Variants in CPEB2 observed in about 807,000 individuals in gnomAD.
CPEB2 encodes the protein cytoplasmic polyadenylation element-binding protein 2.
Under a neutral mutation model 93.6 loss-of-function variants are expected in CPEB2, and 56 were observed. The ratio of observed to expected loss-of-function variants is 0.60; its 90% CI spans 0.48 to 0.75. CPEB2 has a LOEUF of 0.75. CPEB2 is among the 30% of genes least tolerant of loss of function. The pLI is 0.00. For missense variants in CPEB2, 1,579 were observed against 1,395.1 expected (o/e 1.13, Z -2.10); for synonymous variants, 764 against 586.3 (o/e 1.30, Z -4.38).
chr4:15,060,123 G>A (rs1347706831), intron 10 of CPEB2, among the ~76,000 whole-genome samples: 1 of 152,116 alleles, frequency 6.6e-6, no homozygotes, highest in Non-Finnish European at 1.5e-5. Flanking sequence ...TCTGAGGAAT[G>A]TGTTTCACAG....
intron 3 of CPEB2, 66 bp downstream of exon 3, chr4:15,008,493 G>C: frequency 9.7e-7 from 1 of 1,031,926 alleles, no homozygotes; most frequent in African/African-American, 1.6e-5. Flanking sequence ...TTATGAGTAG[G>C]ATTTATTATT....
At chr4:15,033,107 TGC>T in intron 4 of CPEB2, 52 bp from the exon 5 acceptor site, 1 of 1,304,488 alleles carries the variant, frequency 7.7e-7, no homozygotes. Context: ...TTTTTGTTTT[TGC>T]TTTTCAAATA....
At chr4:15,029,659 C>G (rs1725868051) in intron 4 of CPEB2, among the ~76,000 whole-genome samples, 3 of 152,024 alleles carry the variant, frequency 2.0e-5, no homozygotes, top group African/African-American at 7.2e-5. Context: ...CAACAGAAAA[C>G]TCCTAAGTGG....
In CPEB2 at chr4:15,003,076, CT is replaced by C. The variant is rs1192669121; in HGVS notation, c.404del (p.Leu135ProfsTer40). On this transcript the variant is annotated frameshift_variant, in exon 1 of 12. Transcript: ENST00000538197. LOFTEE classifies it high-confidence loss of function. ...CACGATCGCGGGTGTGACCCACCTC[CT>C]CCCCTCCCAGGACTTCAAACCGAGT... ...GGTIAGVTHLLPSQDFKPSLH... is the reference protein window; with the variant it reads ...GGTIAGVTHLXPSQDFKPSLH... 4 of 1,528,534 alleles carry C rather than the reference CT, an allele frequency of 2.6e-6. No individual in the cohort carries two copies. The Admixed American group carries it at 8.2e-5, about 31-fold the overall frequency. The allele number at this position is 1,528,534 out of a possible 1,614,324, so 94.7% of individuals were successfully genotyped here.
At position 15,003,166 on chromosome 4, in the gene CPEB2, G is replaced by C. The variant is rs924129672; in HGVS notation, c.493G>C (p.Asp165His). Residue 165 changes from aspartate to histidine, a missense_variant, in exon 1 of 12, where the codon GAC becomes CAC. By Grantham distance (81) the Asp-to-His change is moderately conservative. Transcript: ENST00000538197. Reference sequence around the variant, plus strand: ...CTGCTGCCGCACCTCCTCCCCGCAGGACTTCAGTAAGCGGCAGCAGCAGCA... The same window carrying C: ...CTGCTGCCGCACCTCCTCCCCGCAGCACTTCAGTAAGCGGCAGCAGCAGCA... ...CCCCRTSSPQ[D>H]FSKRQQQQLS... The C allele has an allele frequency of 6.5e-7, 1 of 1,534,302 alleles. No homozygotes were observed. Among genetic ancestry groups the C allele is most frequent in the Non-Finnish European group, 8.7e-7 (1 of 1,146,268 alleles).
At chr4:15,042,977 G>A (rs999895379) in intron 6 of CPEB2, among the ~76,000 whole-genome samples, 1 of 152,136 alleles carries the variant, frequency 6.6e-6, no homozygotes, top group Non-Finnish European at 1.5e-5. Context: ...TGTCGGATGT[G>A]TCACACTGAG....
At chr4:15,043,917 G>A (rs1302088077) in intron 6 of CPEB2, among the ~76,000 whole-genome samples, 11 of 151,990 alleles carry the variant, frequency 7.2e-5, no homozygotes, top group Admixed American at 1.3e-4. Context: ...TCAGACTTAC[G>A]TGCTATAATA....
chr4:15,017,357 AACCTAAGTAGC>A, intron 4 of CPEB2, 79 bp downstream of exon 4: 1 of 666,620 alleles, frequency 1.5e-6, no homozygotes, highest in South Asian at 1.9e-5. Context: ...ATGAAAGTGA[AACCTAAGTAGC>A]ACCTATATCC....
chr4:15,009,762 A>C (rs556924947), intron 3 of CPEB2, among the ~76,000 whole-genome samples: 3 of 152,362 alleles, frequency 2.0e-5, no homozygotes, highest in Admixed American at 2.0e-4. Context: ...ATTAGCTGGC[A>C]TACATGGTCC....
At chr4:15,046,229 T>C (rs192697264) in intron 6 of CPEB2, among the ~76,000 whole-genome samples, 35 of 148,456 alleles carry the variant, frequency 2.4e-4, no homozygotes, top group African/African-American at 8.7e-4. Context: ...TGTGTTGGCC[T>C]TTTTTTTTTG....
At chr4:15,066,083 ATT>A in intron 11 of CPEB2, 68 bp from the exon 12 acceptor site, 1 of 1,339,434 alleles carries the variant, frequency 7.5e-7, no homozygotes, top group South Asian at 1.3e-5. Context: ...GCTGTAGAAC[ATT>A]TTAAGTTATT....
Position 15,066,447 on chromosome 4 carries a change from TACTG to T in CPEB2, c.*70_*73del. ...GCATGTGGCTTACTGTGTCTGAAGA[TACTG>T]ACATGCAGAAGAAATAAGTGCATTC... On this transcript the variant is annotated 3_prime_UTR_variant, in exon 12 of 12. Transcript: ENST00000538197. The T allele has an allele frequency of 2.7e-6, 3 of 1,130,890 alleles. No homozygotes were observed. The highest frequency in any genetic ancestry group is 3.9e-6 in the Non-Finnish European group (3 of 767,226). 70.1% of individuals were successfully genotyped at this position (1,130,890 alleles called of 1,614,324 possible).
chr4:15,002,503 T>C lies in CPEB2; in HGVS notation c.-171T>C, dbSNP rs1392150849. 1.4e-5 allele frequency among the ~76,000 whole-genome samples: 2 copies of C among 146,822 alleles called. No individual in the cohort carries two copies. The highest frequency in any genetic ancestry group is 3.0e-5 in the Non-Finnish European group (2 of 66,216). On this transcript the variant is annotated 5_prime_UTR_variant, in exon 1 of 12. Transcript: ENST00000538197. ...ACTGCGACGGCGGCGGCGGCGGCGA[T>C]CGCCGCGAGGGGTGGTGGGGCCGAA...
intron 4 of CPEB2, among the ~76,000 whole-genome samples, chr4:15,030,202 T>C (rs980870954): frequency 5.9e-5 from 9 of 152,094 alleles, no homozygotes; most frequent in Admixed American, 2.0e-4. Flanking sequence ...TTATGAAATA[T>C]ACTATAGAAT....
chr4:15,016,412 A>G (rs989053561), intron 3 of CPEB2, among the ~76,000 whole-genome samples: 3 of 152,032 alleles, frequency 2.0e-5, no homozygotes, highest in Non-Finnish European at 4.4e-5. Flanking sequence ...CTTTCAAATA[A>G]GCAAGTGAAG....
At position 15,049,467 on chromosome 4, in the gene CPEB2, T is replaced by C. The variant is rs114068050; in HGVS notation, c.2201-2947T>C. Among the ~76,000 whole-genome samples the C allele has an allele frequency of 2.5e-3, 383 of 152,046 alleles. 1 individual carries two copies. The highest frequency in any genetic ancestry group is 8.3e-3 in the African/African-American group (345 of 41,550). On this transcript the variant is annotated intron_variant, in intron 6 of 11. Transcript: ENST00000538197. ...TTGTGATTTTTTTCCTTAAAATCGT[T>C]TGTATGTATGCTGTTTATCTTATTC...
chr4:15,031,574 T>C (rs1430931322), intron 4 of CPEB2, among the ~76,000 whole-genome samples: 1 of 152,168 alleles, frequency 6.6e-6, no homozygotes, highest in Non-Finnish European at 1.5e-5. Context: ...AAGAGGTCAT[T>C]TAGTTAACTC....
chr4:15,037,793 T>C (rs1242380271), intron 5 of CPEB2, among the ~76,000 whole-genome samples: 1 of 152,222 alleles, frequency 6.6e-6, no homozygotes, highest in African/African-American at 2.4e-5. Context: ...TCTTCATTTT[T>C]ATACAAGTTT....
chr4:15,066,079 G>A, intron 11 of CPEB2, 74 bp from the exon 12 acceptor site: 1 of 1,300,096 alleles, frequency 7.7e-7, no homozygotes. Flanking sequence ...TTCTGCTGTA[G>A]AACATTTTAA....
Sources: allele counts gnomAD v4.1 joint callset (sites outside exome capture counted in the v4.1 genomes callset), GRCh38; gene constraint gnomAD v4.1.1; transcripts MANE v1.5; gene names NCBI Gene and HGNC (gene_info 2026-07-23, HGNC 2026-07-21).